Variants in PLEKHA6 observed in about 807,000 individuals in gnomAD.
The protein encoded by PLEKHA6 is pleckstrin homology domain-containing family A member 6.
Under a neutral mutation model 116.7 loss-of-function variants are expected in PLEKHA6, and 60 were observed. The observed-to-expected ratio is 0.51, with a 90% CI of 0.42 to 0.64. The LOEUF (loss-of-function observed/expected upper bound fraction) is 0.64. PLEKHA6 is among the 30% of genes least tolerant of loss of function. The pLI is 0.00. For missense variants in PLEKHA6, 1,338 were observed against 1,422.7 expected (o/e 0.94, Z 0.96); for synonymous variants, 489 against 556.1 (o/e 0.88, Z 1.70).
chr1:204,372,688 C>T (rs979613444), intron 1 of PLEKHA6, among the ~76,000 whole-genome samples: 5 of 152,110 alleles, frequency 3.3e-5, no homozygotes, highest in African/African-American at 9.7e-5. Context: ...AAACTGCCAC[C>T]GAAATCAAGA....
In PLEKHA6 at chr1:204,219,333, A is replaced by G. The variant is rs1052429798; in HGVS notation, c.*3455T>C. On this transcript the variant is annotated 3_prime_UTR_variant, in exon 23 of 23. Coordinates refer to ENST00000272203, the MANE Select transcript of PLEKHA6 (RefSeq NM_014935.5). Reference sequence around the variant, plus strand: ...TAGAGGGTGCCTAAAGGGGAAAGGAATTGGTTCCCTCTTGCCGTAGCCAGC... The same window carrying G: ...TAGAGGGTGCCTAAAGGGGAAAGGAGTTGGTTCCCTCTTGCCGTAGCCAGC... The G allele has an allele frequency of 1.3e-5, 2 of 152,296 alleles. No individual in the cohort carries two copies. Among genetic ancestry groups the G allele is most frequent in the Admixed American group, 6.6e-5 (1 of 15,232 alleles). The allele number at this position is 152,296 out of a possible 1,614,324, so 9.4% of individuals were successfully genotyped here. A position where few individuals can be genotyped will look rare whatever the true frequency, so the allele number is the denominator to read the frequency against.
intron 1 of PLEKHA6, among the ~76,000 whole-genome samples, chr1:204,315,496 C>A (rs911835979): frequency 6.6e-6 from 1 of 152,200 alleles, no homozygotes; most frequent in African/African-American, 2.4e-5. Flanking sequence ...CCTGTTAAAT[C>A]CAAATCTCCC....
intron 1 of PLEKHA6, chr1:204,275,671 A>G (rs1667927355): frequency 1.0e-6 from 1 of 983,064 alleles, no homozygotes. Flanking sequence ...GGAGATGGGG[A>G]GGAAGGCAGC....
chr1:204,301,772 C>T (rs1322444885), intron 1 of PLEKHA6, among the ~76,000 whole-genome samples: 1 of 152,132 alleles, frequency 6.6e-6, no homozygotes, highest in Non-Finnish European at 1.5e-5. Flanking sequence ...TGTTTCATGG[C>T]CTCAGGAGGC....
chr1:204,249,173 C>T lies in PLEKHA6; in HGVS notation c.1674+11G>A. ...ATCTGCCCCAGCTTAAAGCCACCCC[C>T]AGCTTCTCACCTTCTCAGCTCGGAG... On this transcript the variant is annotated intron_variant, in intron 11 of 22. Transcript: ENST00000272203. 6.2e-7 allele frequency: 1 copy of T among 1,608,952 alleles called. No individual in the cohort carries two copies. Among genetic ancestry groups the T allele is most frequent in the Non-Finnish European group, 8.5e-7 (1 of 1,175,814 alleles).
intron 1 of PLEKHA6, among the ~76,000 whole-genome samples, chr1:204,308,687 C>CTTTTTCTTT (rs1553275657): frequency 4.9e-5 from 4 of 81,404 alleles, no homozygotes; most frequent in African/African-American, 1.1e-4. Context: ...TTTTCTTTTT[C>CTTTTTCTTT]TTTTTTTTTT....
chr1:204,290,600 G>T (rs1229972820), intron 1 of PLEKHA6, among the ~76,000 whole-genome samples: 3 of 152,184 alleles, frequency 2.0e-5, no homozygotes, highest in Admixed American at 1.3e-4. Flanking sequence ...TAGTGACTTT[G>T]CATTTGGCAA....
chr1:204,245,584 A>G, intron 14 of PLEKHA6, 31 bp downstream of exon 14: 1 of 1,318,334 alleles, frequency 7.6e-7, no homozygotes, highest in South Asian at 1.2e-5. Flanking sequence ...TGAGGCAGGC[A>G]GCCTAGGAGG....
intron 1 of PLEKHA6, chr1:204,301,500 G>A (rs1326209017): frequency 1.0e-6 from 1 of 984,846 alleles, no homozygotes; most frequent in Admixed American, 6.1e-5. Flanking sequence ...CGCCACCCAA[G>A]TCCCCACCTC....
chr1:204,240,736 G>A (rs2102544841), intron 17 of PLEKHA6, among the ~76,000 whole-genome samples: 1 of 152,302 alleles, frequency 6.6e-6, no homozygotes, highest in Admixed American at 6.5e-5. Context: ...TTGACAAGGG[G>A]TGGACTTGTG....
chr1:204,232,073 G>A (rs958388225), intron 17 of PLEKHA6, among the ~76,000 whole-genome samples: 52 of 152,128 alleles, frequency 3.4e-4, no homozygotes, highest in African/African-American at 1.2e-3. Flanking sequence ...AATGAGAAAC[G>A]TGTTATTAGA....
chr1:204,251,411 TGTCTCCAGGCAGATGAGCG>T (rs1239940223), intron 9 of PLEKHA6: 23 of 609,966 alleles, frequency 3.8e-5, no homozygotes, highest in Non-Finnish European at 6.2e-5. Context: ...AGGCCAAGCC[TGTCTCCAGGCAGATGAGCG>T]GGTTGGGTGG....
At chr1:204,233,387 C>G (rs1223260177) in intron 17 of PLEKHA6, among the ~76,000 whole-genome samples, 2 of 147,328 alleles carry the variant, frequency 1.4e-5, no homozygotes, top group African/African-American at 5.1e-5. Flanking sequence ...GTCACCCAGG[C>G]TGGAATGCAG....
intron 3 of PLEKHA6, among the ~76,000 whole-genome samples, chr1:204,271,664 C>A (rs1243723428): frequency 6.6e-6 from 1 of 152,166 alleles, no homozygotes; most frequent in African/African-American, 2.4e-5. Context: ...AATATCCTGG[C>A]CTCCTATCTT....
intron 1 of PLEKHA6, among the ~76,000 whole-genome samples, chr1:204,334,857 T>C (rs1033572726): frequency 4.6e-5 from 7 of 152,102 alleles, no homozygotes; most frequent in Non-Finnish European, 8.8e-5. Context: ...AAGATTGCAC[T>C]ACTGCACTCC....
intron 1 of PLEKHA6, among the ~76,000 whole-genome samples, chr1:204,314,345 C>T (rs1030041608): frequency 5.9e-5 from 9 of 152,170 alleles, no homozygotes; most frequent in Non-Finnish European, 1.0e-4. Flanking sequence ...CCTGTGAGCC[C>T]GGGGAGAGAA....
chr1:204,322,376 G>A (rs567350295), intron 1 of PLEKHA6, among the ~76,000 whole-genome samples: 2 of 152,208 alleles, frequency 1.3e-5, no homozygotes, highest in East Asian at 1.9e-4. Context: ...TAGCTGCCCC[G>A]GCATCCTTCT....
Position 204,261,157 on chromosome 1 carries a change from C to A in PLEKHA6, c.524+149G>T. The A allele has an allele frequency of 1.1e-6, 1 of 888,494 alleles. No individual in the cohort carries two copies. The highest frequency in any genetic ancestry group is 1.6e-5 in the South Asian group (1 of 64,362). The allele number at this position is 888,494 out of a possible 1,614,324, so 55.0% of individuals were successfully genotyped here. ...CAGGCTCTGAAATCACTCAGCCAGG[C>A]CTCCCGCCTGGATGCAAGGAGACGG... On this transcript the variant is annotated intron_variant, in intron 7 of 22. Coordinates refer to ENST00000272203, the MANE Select transcript of PLEKHA6 (RefSeq NM_014935.5). This position sits in a 1 kb window ranked among gnomAD's most constrained non-coding sequence, Gnocchi z 4.0.
chr1:204,299,069 G>C (rs1444464360), intron 1 of PLEKHA6, among the ~76,000 whole-genome samples: 2 of 152,224 alleles, frequency 1.3e-5, no homozygotes, highest in Admixed American at 6.5e-5. Flanking sequence ...TGAGTTCTGA[G>C]AGACACCCCA....
Sources: gnomAD v4.1 joint callset for allele counts (sites outside exome capture counted in the v4.1 genomes callset) on GRCh38, gnomAD v4.1.1 for gene constraint, Gnocchi (gnomAD v3.1) non-coding constraint, MANE v1.5 for transcripts, NCBI Gene and HGNC (gene_info 2026-07-23, HGNC 2026-07-21) for gene names.